The following SLC39A11 variants were observed in gnomAD, a reference collection of about 807,000 sequenced individuals.
The protein encoded by SLC39A11 is zinc transporter ZIP11.
SLC39A11 carries 33 observed loss-of-function variants against 36.1 expected under a neutral mutation model. The observed-to-expected ratio is 0.91, with a 90% CI of 0.69 to 1.22. The LOEUF (loss-of-function observed/expected upper bound fraction) is 1.22. Among genes scored for constraint, SLC39A11 ranks in the 50% most tolerant of loss-of-function variants. The probability of loss-of-function intolerance (pLI) is 0.00; values close to 1 mark genes in which losing one functional copy is unlikely to be tolerated. For missense variants in SLC39A11, 432 were observed against 430.3 expected (o/e 1.00, Z -0.03); for synonymous variants, 166 against 170.3 (o/e 0.97, Z 0.20).
chr17:72,678,639 AG>A (rs2071380596), intron 7 of SLC39A11, among the ~76,000 whole-genome samples: 1 of 152,068 alleles, frequency 6.6e-6, no homozygotes, highest in African/African-American at 2.4e-5. Flanking sequence ...CAGGAGGCAA[AG>A]GTTGTAGTGA....
chr17:72,973,100 T>C (rs2087577573), intron 4 of SLC39A11, among the ~76,000 whole-genome samples: 1 of 151,270 alleles, frequency 6.6e-6, no homozygotes, highest in African/African-American at 2.4e-5. Flanking sequence ...TGCTTGTCCT[T>C]TCCTTAGGAA....
rs1555698616 is a variant in SLC39A11 at position 73,062,475 on chromosome 17, A to AAAAC, written c.147+22329_147+22332dup. 4.1e-4 allele frequency among the ~76,000 whole-genome samples: 36 copies of AAAAC among 87,040 alleles called. 9 individuals are homozygous for AAAAC. The highest frequency in any genetic ancestry group is 1.2e-3 in the East Asian group (3 of 2,488). 57.1% of individuals were successfully genotyped at this position (87,040 alleles called of 152,430 possible). ...AGAGCTTGTCTCAAAAAAAAAAAAA[A>AAAAC]AAACTTTAGGTGATACACTTCTGCT... On this transcript the variant is annotated intron_variant, in intron 3 of 9. Coordinates refer to ENST00000255559, the MANE Select transcript of SLC39A11 (RefSeq NM_139177.4).
intron 7 of SLC39A11, among the ~76,000 whole-genome samples, chr17:72,677,791 GAGTAGAGGGCCAGGAATTGCA>G (rs2071337857): frequency 6.6e-6 from 1 of 152,134 alleles, no homozygotes; most frequent in African/African-American, 2.4e-5. Flanking sequence ...GAACACAGCA[GAGTAGAGGGCCAGGAATTGCA>G]AGTAGAGGGC....
chr17:72,704,796 C>T (rs558662234), intron 7 of SLC39A11, among the ~76,000 whole-genome samples: 1 of 152,292 alleles, frequency 6.6e-6, no homozygotes, highest in South Asian at 2.1e-4. Context: ...GTGACCCTAC[C>T]CTGAACAATG....
chr17:72,843,934 G>A (rs1218417602), intron 6 of SLC39A11, among the ~76,000 whole-genome samples: 1 of 151,936 alleles, frequency 6.6e-6, no homozygotes, highest in Non-Finnish European at 1.5e-5. Flanking sequence ...CTATTAACAA[G>A]CCTTCCATTT....
intron 6 of SLC39A11, among the ~76,000 whole-genome samples, chr17:72,783,004 C>CAAAAA (rs34750819): frequency 2.5e-5 from 2 of 81,006 alleles, no homozygotes; most frequent in Admixed American, 1.4e-4. Context: ...TCTGTCTCAA[C>CAAAAA]AAAAAAAAAA....
chr17:72,748,207 A>C (rs920785395), intron 6 of SLC39A11, among the ~76,000 whole-genome samples: 6 of 152,068 alleles, frequency 3.9e-5, no homozygotes, highest in Non-Finnish European at 5.9e-5. Context: ...CTGTAGTCCC[A>C]GCTACTTGGG....
chr17:72,842,765 G>A (rs570363296), intron 6 of SLC39A11, among the ~76,000 whole-genome samples: 162 of 152,272 alleles, frequency 1.1e-3, no homozygotes, highest in African/African-American at 3.9e-3. Flanking sequence ...CCAGGCAGGC[G>A]CCACGGAAGT....
At chr17:72,861,689 A>AT (rs1410780416) in intron 5 of SLC39A11, among the ~76,000 whole-genome samples, 38 of 96,602 alleles carry the variant, frequency 3.9e-4, no homozygotes, top group South Asian at 1.0e-3. Context: ...ATATATATAT[A>AT]AAATATATAT....
chr17:72,869,877 G>A (rs1202644979), intron 5 of SLC39A11, among the ~76,000 whole-genome samples: 1 of 151,934 alleles, frequency 6.6e-6, no homozygotes, highest in African/African-American at 2.4e-5. Flanking sequence ...CTACCCCCAA[G>A]TATTTCTTCC....
chr17:72,909,823 G>A (rs143432989), intron 5 of SLC39A11, among the ~76,000 whole-genome samples: 3,006 of 149,638 alleles, frequency 0.02, 39 homozygotes, highest in Non-Finnish European at 0.03. Flanking sequence ...TCGGCTCACT[G>A]CAACCTCCGC....
At chr17:72,828,949 T>C (rs1209468367) in intron 6 of SLC39A11, among the ~76,000 whole-genome samples, 1 of 152,202 alleles carries the variant, frequency 6.6e-6, no homozygotes, top group Non-Finnish European at 1.5e-5. Flanking sequence ...TATATTTTTC[T>C]TTCTCACGTA....
chr17:72,882,242 G>A (rs2081228834), intron 5 of SLC39A11, among the ~76,000 whole-genome samples: 1 of 151,912 alleles, frequency 6.6e-6, no homozygotes, highest in Non-Finnish European at 1.5e-5. Context: ...TGTAGTCCCA[G>A]CCACTCGGGA....
intron 7 of SLC39A11, among the ~76,000 whole-genome samples, chr17:72,652,370 T>TA (rs1281932035): frequency 6.6e-6 from 1 of 152,230 alleles, no homozygotes; most frequent in Non-Finnish European, 1.5e-5. Context: ...TCTGTCCAAA[T>TA]CCTGGGTCTG....
intron 3 of SLC39A11, among the ~76,000 whole-genome samples, chr17:73,071,502 G>A (rs961366882): frequency 2.6e-5 from 4 of 152,214 alleles, no homozygotes; most frequent in South Asian, 2.1e-4. Context: ...GTGATGTGGT[G>A]ATCCCCTGGA....
chr17:72,899,810 A>C lies in SLC39A11; in HGVS notation c.430+47942T>G, dbSNP rs971216231. Among the ~76,000 whole-genome samples, 6 of 151,884 alleles carry C rather than the reference A, an allele frequency of 4.0e-5. 1 individual carries two copies. Among genetic ancestry groups the C allele is most frequent in the African/African-American group, 1.5e-4 (6 of 41,322 alleles). On this transcript the variant is annotated intron_variant, in intron 5 of 9. Coordinates refer to ENST00000255559, the MANE Select transcript of SLC39A11 (RefSeq NM_139177.4). The stretch of plus-strand genomic sequence containing the variant: ...AACCCCGTCTCTACTAAAAATACAA[A>C]AGTTAGCCGGGCGTGGGGGCAGGTG...
intron 4 of SLC39A11, among the ~76,000 whole-genome samples, chr17:73,014,249 G>C (rs1338045409): frequency 6.6e-6 from 1 of 152,092 alleles, no homozygotes; most frequent in Non-Finnish European, 1.5e-5. Context: ...AGTTAACCTC[G>C]ACCCAGCATG....
intron 6 of SLC39A11, among the ~76,000 whole-genome samples, chr17:72,814,060 G>C (rs984696984): frequency 6.6e-6 from 1 of 152,140 alleles, no homozygotes; most frequent in Non-Finnish European, 1.5e-5. Context: ...CTACATTCTA[G>C]AACAACACGG....
chr17:72,943,542 G>A (rs961596551), intron 5 of SLC39A11, among the ~76,000 whole-genome samples: 11 of 152,088 alleles, frequency 7.2e-5, no homozygotes, highest in Non-Finnish European at 1.0e-4. Context: ...AGTGTCGTAC[G>A]GCTTACGCTT....
Sources: allele counts gnomAD v4.1 joint callset (sites outside exome capture counted in the v4.1 genomes callset), GRCh38; gene constraint gnomAD v4.1.1; transcripts MANE v1.5; gene names NCBI Gene and HGNC (gene_info 2026-07-23, HGNC 2026-07-21).